Variants in MAPK9 observed in about 807,000 individuals in gnomAD.
The protein encoded by MAPK9 is Jun kinase.
MAPK9 carries 30 observed loss-of-function variants against 57.1 expected under a neutral mutation model. The ratio of observed to expected loss-of-function variants is 0.53; its 90% CI spans 0.39 to 0.71. The LOEUF (loss-of-function observed/expected upper bound fraction) is 0.71. Among genes scored for constraint, MAPK9 ranks in the 30% least tolerant of loss-of-function variants. The pLI, the probability that MAPK9 is intolerant of heterozygous loss-of-function variation, is 0.00. For synonymous variants in MAPK9, 155 were observed against 177.0 expected (o/e 0.88, Z 0.99); for missense variants, 362 against 521.0 (o/e 0.69, Z 2.97).
intron 2 of MAPK9, chr5:180,279,683 CA>C (rs891702651): frequency 3.3e-4 from 112 of 338,216 alleles, no homozygotes; most frequent in Non-Finnish European, 4.3e-4. Context: ...TTTCATTGAC[CA>C]AAAAAAAAGA....
In MAPK9 at chr5:180,233,152, A is replaced by G. The variant is rs1756964402; in HGVS notation, c.*3232T>C. 1 of 151,182 alleles carries G rather than the reference A, an allele frequency of 6.6e-6. No homozygotes were observed. Among genetic ancestry groups the G allele is most frequent in the Non-Finnish European group, 1.5e-5 (1 of 67,952 alleles). The allele number at this position is 151,182 out of a possible 1,614,324, so 9.4% of individuals were successfully genotyped here. A position where few individuals can be genotyped will look rare whatever the true frequency, so the allele number is the denominator to read the frequency against. On this transcript the variant is annotated 3_prime_UTR_variant, in exon 12 of 12. Coordinates refer to ENST00000452135, the MANE Select transcript of MAPK9 (RefSeq NM_002752.5). ...AAAGTGAGCCACTGAGTGTCCTTCC[A>G]CTCCTGTGGTATTAAGTACTAAACA...
chr5:180,268,057 G>A (rs3111516), intron 3 of MAPK9, among the ~76,000 whole-genome samples: 17,662 of 151,764 alleles, frequency 0.12, 1,205 homozygotes, highest in East Asian at 0.2. Context: ...ATCTCCTGAC[G>A]TCATGATCCA....
At chr5:180,285,795 C>A in intron 1 of MAPK9, among the ~76,000 whole-genome samples, 1 of 151,532 alleles carries the variant, frequency 6.6e-6, no homozygotes, top group Admixed American at 6.6e-5. Context: ...TAGTAAAAAT[C>A]TGGCCGGGTG....
rs36056279 is a variant in MAPK9 at position 180,261,447 on chromosome 5, C to T, written c.450+237G>A. Among the ~76,000 whole-genome samples the T allele has an allele frequency of 8.6e-3, 1,308 of 152,300 alleles. 8 individuals carry two copies. Among genetic ancestry groups the T allele is most frequent in the Non-Finnish European group, 0.014 (926 of 68,032 alleles). ...AAAAGTTTAAAACAATGTATTCTTG[C>T]GCAGTATCTGACTGAGAGCGCAGTA... is the stretch of plus-strand genomic sequence containing the variant. On this transcript the variant is annotated intron_variant, in intron 5 of 11. Coordinates refer to ENST00000452135, the MANE Select transcript of MAPK9 (RefSeq NM_002752.5).
rs1166040743 is a variant in MAPK9 at position 180,242,651 on chromosome 5, T to G, written c.793A>C (p.Lys265Gln). The G allele has an allele frequency of 1.2e-6, 2 of 1,614,068 alleles. No individual in the cohort carries two copies. The highest frequency in any genetic ancestry group is 2.7e-5 in the African/African-American group (2 of 74,946). ...TCTTCAAATTTGATTCCAGGATACT[T>G]TGGTCTGTTTTCGACATAATTCCTC... ...TVRNYVENRP[K>Q]YPGIKFEELF... The change falls in exon 8 of 12, where the codon AAG (lysine) becomes CAG (glutamine). Residue 265 changes from lysine to glutamine, a missense_variant. By Grantham distance (53) the Lys-to-Gln change is moderately conservative. Coordinates refer to ENST00000452135, the MANE Select transcript of MAPK9 (RefSeq NM_002752.5).
At chr5:180,280,380 A>G in intron 2 of MAPK9, 60 bp downstream of exon 2, 1 of 1,572,298 alleles carries the variant, frequency 6.4e-7, no homozygotes, top group Non-Finnish European at 8.6e-7. Flanking sequence ...CTGACACTTT[A>G]GTTTTACTTT....
At chr5:180,244,101 G>A (rs972621769) in intron 7 of MAPK9, among the ~76,000 whole-genome samples, 1 of 152,006 alleles carries the variant, frequency 6.6e-6, no homozygotes, top group African/African-American at 2.4e-5. Flanking sequence ...TGCCTGCCTC[G>A]GCCTCCCAAA....
At chr5:180,268,864 G>A (rs1453622908) in intron 3 of MAPK9, among the ~76,000 whole-genome samples, 1 of 151,280 alleles carries the variant, frequency 6.6e-6, no homozygotes, top group Non-Finnish European at 1.5e-5. Flanking sequence ...AATAGGCCGG[G>A]CATGGTGGCT....
intron 5 of MAPK9, among the ~76,000 whole-genome samples, chr5:180,258,595 C>T (rs1759551361): frequency 6.6e-6 from 1 of 152,090 alleles, no homozygotes; most frequent in African/African-American, 2.4e-5. Context: ...CTTCAGTCAA[C>T]ACAGTTCCCT....
Position 180,247,943 on chromosome 5 carries a change from G to T in MAPK9, c.617-433C>A. On this transcript the variant is annotated intron_variant, in intron 6 of 11. Coordinates refer to ENST00000452135, the MANE Select transcript of MAPK9 (RefSeq NM_002752.5). The surrounding 1 kb of genome is among the most constrained non-coding windows in gnomAD (Gnocchi z 4.5). Reference sequence around the variant, plus strand: ...AGATGTCCACTACCAAACACCAGGGGATTAAAAACCAGCTAGAGTCCCCCA... The same window carrying T: ...AGATGTCCACTACCAAACACCAGGGTATTAAAAACCAGCTAGAGTCCCCCA... 1 of 1,610,982 alleles carries T rather than the reference G, an allele frequency of 6.2e-7. No individual in the cohort carries two copies. The highest frequency in any genetic ancestry group is 2.2e-5 in the East Asian group (1 of 44,870).
chr5:180,261,747 G>C lies in MAPK9; in HGVS notation c.387C>G (p.Ser129=). 6.2e-7 allele frequency: 1 copy of C among 1,611,862 alleles called. No homozygotes were observed. The highest frequency in any genetic ancestry group is 8.5e-7 in the Non-Finnish European group (1 of 1,178,118). ...CACAAAGCATCTGGTAAAGAAGGTA[G>C]GACATTCTTTCATGATCCAGCTCCA... ...IHMELDHERM[S]YLLYQMLCGI... is the part of the protein sequence containing the mutation. The change falls in exon 5 of 12, where the codon TCC becomes TCG. Residue 129 remains serine, a synonymous_variant. Coordinates refer to ENST00000452135, the MANE Select transcript of MAPK9 (RefSeq NM_002752.5).
chr5:180,290,279 C>T (rs1763115307), intron 1 of MAPK9, among the ~76,000 whole-genome samples: 1 of 152,232 alleles, frequency 6.6e-6, no homozygotes, highest in Non-Finnish European at 1.5e-5. Flanking sequence ...GGCCTACGGT[C>T]CTTCCTTGGC....
chr5:180,291,285 A>G lies in MAPK9; in HGVS notation c.-48+563T>C, dbSNP rs1160698110. Among the ~76,000 whole-genome samples, 9 of 128,340 alleles carry G rather than the reference A, an allele frequency of 7.0e-5. No homozygotes were observed. The South Asian group carries it at 1.1e-3, about 16-fold the overall frequency. The allele number at this position is 128,340 out of a possible 152,430, so 84.2% of individuals were successfully genotyped here. ...ACACCGAGTGTGCAATGACAAGGCA[A>G]GAGAGGAGTGCGCGGGGAGGCGGGA... On this transcript the variant is annotated intron_variant, in intron 1 of 11. Transcript: ENST00000452135.
At chr5:180,245,015 C>T (rs929084850) in intron 7 of MAPK9, among the ~76,000 whole-genome samples, 2 of 152,196 alleles carry the variant, frequency 1.3e-5, no homozygotes, top group African/African-American at 4.8e-5. Flanking sequence ...GGAGGGGTCA[C>T]GTGAGTGCCT....
chr5:180,244,781 A>G (rs79924265), intron 7 of MAPK9, among the ~76,000 whole-genome samples: 1 of 51,208 alleles, frequency 2.0e-5, no homozygotes. Context: ...CTCAAAGGAA[A>G]AAAAAAAAAA....
intron 7 of MAPK9, among the ~76,000 whole-genome samples, chr5:180,245,016 G>T (rs537307700): frequency 6.6e-6 from 1 of 152,168 alleles, no homozygotes; most frequent in Admixed American, 6.5e-5. Flanking sequence ...GAGGGGTCAC[G>T]TGAGTGCCTT....
chr5:180,290,915 C>T (rs1267306679), intron 1 of MAPK9, among the ~76,000 whole-genome samples: 1 of 152,090 alleles, frequency 6.6e-6, no homozygotes, highest in African/African-American at 2.4e-5. Flanking sequence ...GTCGGGGAGA[C>T]AGAAAATAAG....
rs537687824 is a variant in MAPK9 at position 180,273,153 on chromosome 5, T to C, written c.123-3744A>G. 1.1e-4 allele frequency among the ~76,000 whole-genome samples: 17 copies of C among 152,338 alleles called. No homozygotes were observed. In the South Asian group the frequency reaches 3.5e-3, roughly 32 times the overall value. On this transcript the variant is annotated intron_variant, in intron 2 of 11. Coordinates refer to ENST00000452135, the MANE Select transcript of MAPK9 (RefSeq NM_002752.5). ...TTGATGAATAACGGCATTGAGCACT[T>C]TTCCTGTTTATAGGTTATTTGGGTA...
chr5:180,243,532 C>A (rs950161480), intron 7 of MAPK9, among the ~76,000 whole-genome samples: 1 of 152,084 alleles, frequency 6.6e-6, no homozygotes, highest in African/African-American at 2.4e-5. Flanking sequence ...ACTGTACTCG[C>A]TATACAAGAG....
Sources: allele counts gnomAD v4.1 joint callset (sites outside exome capture counted in the v4.1 genomes callset), GRCh38; gene constraint gnomAD v4.1.1; non-coding constraint Gnocchi (gnomAD v3.1); transcripts MANE v1.5; gene names NCBI Gene and HGNC (gene_info 2026-07-23, HGNC 2026-07-21).